The following LRBA variants were observed in gnomAD, a reference collection of about 807,000 sequenced individuals.
The protein encoded by LRBA is LPS responsive beige-like anchor protein, also known as lipopolysaccharide-responsive and beige-like anchor protein.
LRBA carries 176 observed loss-of-function variants against 330.0 expected under a neutral mutation model. That is an observed-to-expected ratio of 0.53 (90% CI 0.47 to 0.60). The LOEUF is 0.60. LRBA is among the 20% of genes least tolerant of loss of function. The probability of loss-of-function intolerance (pLI) is 0.00; values close to 1 mark genes in which losing one functional copy is unlikely to be tolerated. For missense variants in LRBA, 3,259 were observed against 3,444.8 expected, an observed-to-expected ratio of 0.95 and a Z score of 1.35; for synonymous variants, 1,230 against 1,193.0, an observed-to-expected ratio of 1.03 and a Z score of -0.64.
At chr4:150,576,508 T>C (rs1166968225) in intron 40 of LRBA, among the ~76,000 whole-genome samples, 1 of 151,954 alleles carries the variant, frequency 6.6e-6, no homozygotes, top group African/African-American at 2.4e-5. Context: ...AAAAGCTGCT[T>C]ACTTTAATTT....
intron 42 of LRBA, among the ~76,000 whole-genome samples, chr4:150,482,059 G>C (rs2152083369): frequency 6.6e-6 from 1 of 152,072 alleles, no homozygotes; most frequent in African/African-American, 2.4e-5. Flanking sequence ...AATTTACATA[G>C]AGAAAAATTC....
At chr4:150,400,629 G>A (rs1745334090) in intron 47 of LRBA, among the ~76,000 whole-genome samples, 2 of 152,144 alleles carry the variant, frequency 1.3e-5, no homozygotes, top group African/African-American at 4.8e-5. Context: ...CAAGGAGGGA[G>A]GATGGCTTGA....
chr4:150,534,026 T>G (rs1357699639), intron 40 of LRBA, among the ~76,000 whole-genome samples: 1 of 152,178 alleles, frequency 6.6e-6, no homozygotes, highest in African/African-American at 2.4e-5. Flanking sequence ...TTTCCTGTTG[T>G]TCAGGATGAA....
intron 2 of LRBA, among the ~76,000 whole-genome samples, chr4:150,946,130 CAATATTTATTTATTATGA>C (rs1736220502): frequency 6.6e-6 from 1 of 152,052 alleles, no homozygotes; most frequent in Non-Finnish European, 1.5e-5. Flanking sequence ...TAAAATGCTA[CAATATTTATTTATTATGA>C]AATAAACAGT....
chr4:150,489,079 A>AAGAATATATAAT (rs1758308869), intron 41 of LRBA, among the ~76,000 whole-genome samples: 7 of 81,946 alleles, frequency 8.5e-5, no homozygotes, highest in African/African-American at 3.2e-4. Context: ...TATTATATAT[A>AAGAATATATAAT]ATATTATATA....
intron 48 of LRBA, among the ~76,000 whole-genome samples, chr4:150,344,979 CAGGAAGGGTATGCAGTTGCCTCTGTGT>C (rs1324025312): frequency 6.6e-6 from 1 of 152,136 alleles, no homozygotes; most frequent in African/African-American, 2.4e-5. Context: ...TATCTATGTG[CAGGAAGGGTATGCAGTTGCCTCTGTGT>C]AGGTAACTTC....
intron 2 of LRBA, among the ~76,000 whole-genome samples, chr4:150,964,263 A>G (rs1297281180): frequency 6.9e-6 from 1 of 143,992 alleles, no homozygotes; most frequent in East Asian, 2.1e-4. Context: ...CCCTCTGCCC[A>G]GCAGCCCCGT....
intron 13 of LRBA, 121 bp downstream of exon 13, chr4:150,905,717 A>G: frequency 1.2e-6 from 1 of 810,736 alleles, no homozygotes; most frequent in Non-Finnish European, 1.9e-6. Flanking sequence ...CAAAAAAAGC[A>G]ATCCACTGAA....
At chr4:150,357,931 C>T (rs1738111823) in intron 47 of LRBA, among the ~76,000 whole-genome samples, 1 of 151,836 alleles carries the variant, frequency 6.6e-6, no homozygotes, top group Non-Finnish European at 1.5e-5. Flanking sequence ...TTCTAGCAGG[C>T]AACATAAAGA....
intron 34 of LRBA, among the ~76,000 whole-genome samples, chr4:150,777,727 C>G (rs976617326): frequency 6.6e-6 from 1 of 151,922 alleles, no homozygotes; most frequent in Non-Finnish European, 1.5e-5. Context: ...CATCTGTAAT[C>G]CCAGCACTCT....
chr4:150,639,791 G>A (rs994365367), intron 37 of LRBA, among the ~76,000 whole-genome samples: 1,721 of 5,594 alleles, frequency 0.31, 338 homozygotes, highest in African/African-American at 0.37. Flanking sequence ...ATGTGTGTGT[G>A]TATATATATA....
At chr4:150,331,991 G>C (rs537250560) in intron 48 of LRBA, among the ~76,000 whole-genome samples, 10 of 152,134 alleles carry the variant, frequency 6.6e-5, no homozygotes, top group Non-Finnish European at 1.5e-4. Context: ...ATTGAGTTGT[G>C]AGGATTAAAT....
intron 40 of LRBA, among the ~76,000 whole-genome samples, chr4:150,492,131 T>C (rs560384193): frequency 1.3e-5 from 2 of 149,196 alleles, no homozygotes; most frequent in South Asian, 2.1e-4. Context: ...AAAATCCTAA[T>C]GGCAAATAAA....
intron 36 of LRBA, among the ~76,000 whole-genome samples, chr4:150,718,120 T>C (rs1319535856): frequency 6.6e-6 from 1 of 152,198 alleles, no homozygotes; most frequent in South Asian, 2.1e-4. Flanking sequence ...AACCATAAGA[T>C]TAAGAAACAA....
chr4:150,863,166 C>T (rs1311303905), intron 22 of LRBA, among the ~76,000 whole-genome samples: 1 of 151,936 alleles, frequency 6.6e-6, no homozygotes, highest in African/African-American at 2.4e-5. Context: ...GGTGTGGTAG[C>T]ACAAGTCTGT....
chr4:150,939,422 A>G (rs2149524510), intron 2 of LRBA, among the ~76,000 whole-genome samples: 1 of 152,338 alleles, frequency 6.6e-6, no homozygotes, highest in South Asian at 2.1e-4. Context: ...AAAGAATGTC[A>G]AAGATTGCCA....
Position 150,850,171 on chromosome 4 carries a change from G to C in LRBA, c.4004+553C>G, listed in dbSNP as rs187251679. On this transcript the variant is annotated intron_variant, in intron 24 of 56. Coordinates refer to ENST00000651943, the MANE Select transcript of LRBA (RefSeq NM_001364905.1). ...TGCAGTGGCGTGGTCTCAGCTCACT[G>C]CAAGCGCCACCTCCCGGGTTCACAC... is the stretch of plus-strand genomic sequence containing the variant. Among the ~76,000 whole-genome samples the C allele has an allele frequency of 4.0e-3, 610 of 150,678 alleles. 3 individuals carry two copies. Among genetic ancestry groups the C allele is most frequent in the Non-Finnish European group, 6.2e-3 (422 of 67,812 alleles).
At chr4:150,413,075 AAT>A (rs202234122) in intron 47 of LRBA, among the ~76,000 whole-genome samples, 5 of 150,966 alleles carry the variant, frequency 3.3e-5, no homozygotes, top group African/African-American at 7.3e-5. Flanking sequence ...CACCAAAGAA[AAT>A]ATATATATAT....
chr4:150,338,992 C>T (rs1359239331), intron 48 of LRBA, among the ~76,000 whole-genome samples: 1 of 150,744 alleles, frequency 6.6e-6, no homozygotes, highest in East Asian at 2.0e-4. Flanking sequence ...CACACACACA[C>T]ACAAGTAGTG....
Sources: gnomAD v4.1 joint callset for allele counts (sites outside exome capture counted in the v4.1 genomes callset) on GRCh38, gnomAD v4.1.1 for gene constraint, MANE v1.5 for transcripts, NCBI Gene and HGNC (gene_info 2026-07-23, HGNC 2026-07-21) for gene names.